ANO8: variants seen among roughly 807,000 people sequenced by gnomAD.
The protein encoded by ANO8 is anoctamin-8.
ANO8 carries 67 observed loss-of-function variants against 120.4 expected under a neutral mutation model. That is an observed-to-expected ratio of 0.56 (90% confidence interval 0.46 to 0.68). ANO8 has a LOEUF of 0.68. Ranked by LOEUF, ANO8 falls within the 30% of genes least tolerant of loss-of-function variation. ANO8 has a pLI of 0.00. For missense variants in ANO8, 1,526 were observed against 1,737.6 expected (o/e 0.88, Z 2.16); for synonymous variants, 727 against 759.2 (o/e 0.96, Z 0.70).
chr19:17,330,880 C>G lies in ANO8; in HGVS notation c.941G>C (p.Gly314Ala). The change falls in exon 8 of 18, where the codon GGG (glycine) becomes GCG (alanine). Residue 314 changes from glycine to alanine, a missense_variant. Transcript: ENST00000159087. Reference protein sequence around the residue: ...RRGAELAYKWGTLDSPGEAVE... With the variant: ...RRGAELAYKWATLDSPGEAVE... ...GGCTTCCCCAGGTGAGTCCAGCGTCCCCCACTTATATGCCAGCTCAGCCCC... is the reference window on the plus strand; with the variant it reads ...GGCTTCCCCAGGTGAGTCCAGCGTCGCCCACTTATATGCCAGCTCAGCCCC... 1 of 1,614,164 alleles carries G rather than the reference C, an allele frequency of 6.2e-7. No homozygotes were observed. The highest frequency in any genetic ancestry group is 8.5e-7 in the Non-Finnish European group (1 of 1,180,018).
Position 17,333,798 on chromosome 19 carries a change from T to A in ANO8, c.109A>T (p.Lys37Ter). ...PAAPASGVLD[K>*]LFGKRLLQAG... is the part of the protein sequence containing the mutation. Reference sequence around the variant, plus strand: ...TGCAGGAGCCGCTTTCCGAAAAGCTTATCTAGGGGGCGGCGTAGCAGGCCC... The same window carrying A: ...TGCAGGAGCCGCTTTCCGAAAAGCTAATCTAGGGGGCGGCGTAGCAGGCCC... The change falls in exon 2 of 18, where the codon AAG (lysine) becomes TAG (stop). Residue 37 changes from lysine to a stop codon, truncating the protein, a stop_gained and splice_region_variant. Coordinates refer to ENST00000159087, the MANE Select transcript of ANO8 (RefSeq NM_020959.3). LOFTEE classifies it high-confidence loss of function. This position sits in a 1 kb window ranked among gnomAD's most constrained non-coding sequence, Gnocchi z 7.2. 1 of 1,591,844 alleles carries A rather than the reference T, an allele frequency of 6.3e-7. No homozygotes were observed. The highest frequency in any genetic ancestry group is 8.5e-7 in the Non-Finnish European group (1 of 1,170,766).
chr19:17,328,108 G>A (rs2074285522), intron 13 of ANO8, 54 bp downstream of exon 13: 1 of 1,331,652 alleles, frequency 7.5e-7, no homozygotes, highest in Non-Finnish European at 1.0e-6. Flanking sequence ...CTCGGACGGT[G>A]TGTCCCGTCC....
At position 17,333,023 on chromosome 19, in the gene ANO8, G is replaced by A; in HGVS notation, c.493C>T (p.Arg165Cys). 1.2e-6 allele frequency: 2 copies of A among 1,614,072 alleles called. No homozygotes were observed. Among genetic ancestry groups the A allele is most frequent in the Non-Finnish European group, 1.7e-6 (2 of 1,180,038 alleles). ...AGCCAGAAGCGGATGATGCTCTGGC[G>A]TTCCTGCGAGGAAGAGGGCGTGAGC... ...SELRFFTSQE[R>C]QSIIRFWLQN... Residue 165 changes from arginine to cysteine, a missense_variant, in exon 5 of 18, where the codon CGC becomes TGC. This residue lies in a region of ANO8 where 322 missense variants were observed against 431.8 expected (regional missense o/e 0.75). Coordinates refer to ENST00000159087, the MANE Select transcript of ANO8 (RefSeq NM_020959.3). This position sits in a 1 kb window ranked among gnomAD's most constrained non-coding sequence, Gnocchi z 7.2.
rs2074333975 is a variant in ANO8, at chr19:17,333,348, T to C, written c.350+74A>G. ...TTGGGACAAACGCAGGGCGGCTGGA[T>C]AGCATGGTTGGCACTTGGTAGAGCG... On this transcript the variant is annotated intron_variant, in intron 3 of 17. Transcript: ENST00000159087. The surrounding 1 kb of genome is among the most constrained non-coding windows in gnomAD (Gnocchi z 7.2). The C allele has an allele frequency of 6.2e-7, 1 of 1,609,622 alleles. No individual in the cohort carries two copies. The highest frequency in any genetic ancestry group is 1.3e-5 in the African/African-American group (1 of 74,994).
rs2074351237 is a variant in ANO8, at chr19:17,334,788, C to A, written c.-118G>T. On this transcript the variant is annotated 5_prime_UTR_variant, in exon 1 of 18. Transcript: ENST00000159087. ...GGAGGAGACAAAGGCCGCGCCCGCCCGCGCCGGCCTCGGTCCTCGCTCGCC... is the reference window on the plus strand; with the variant it reads ...GGAGGAGACAAAGGCCGCGCCCGCCAGCGCCGGCCTCGGTCCTCGCTCGCC... The A allele has an allele frequency of 2.6e-6, 3 of 1,162,690 alleles. No homozygotes were observed. The highest frequency in any genetic ancestry group is 3.4e-6 in the Non-Finnish European group (3 of 876,972). 72.0% of individuals were successfully genotyped at this position (1,162,690 alleles called of 1,614,324 possible).
At chr19:17,324,298 G>T (rs1210821563) in intron 17 of ANO8, among the ~76,000 whole-genome samples, 1 of 152,054 alleles carries the variant, frequency 6.6e-6, no homozygotes, top group Admixed American at 6.5e-5. Context: ...GCCCCACCTC[G>T]AGGAAGGCCT....
chr19:17,330,855 G>A lies in ANO8; in HGVS notation c.966C>T (p.Ala322=), dbSNP rs148791031. The A allele has an allele frequency of 6.2e-6, 10 of 1,613,932 alleles. No individual in the cohort carries two copies. The highest frequency in any genetic ancestry group is 2.2e-5 in the South Asian group (2 of 91,084). The part of the protein sequence containing the change: ...KWGTLDSPGE[A]VEEPRPQFRG... ...TGAACTGGGGGCGTGGCTCCTCCACGGCTTCCCCAGGTGAGTCCAGCGTCC... is the reference window on the plus strand; with the variant it reads ...TGAACTGGGGGCGTGGCTCCTCCACAGCTTCCCCAGGTGAGTCCAGCGTCC... The change falls in exon 8 of 18, where the codon GCC becomes GCT. Residue 322 remains alanine, a synonymous_variant. Coordinates refer to ENST00000159087, the MANE Select transcript of ANO8 (RefSeq NM_020959.3).
intron 17 of ANO8, 96 bp downstream of exon 17, chr19:17,324,620 TC>T: frequency 6.7e-7 from 1 of 1,488,044 alleles, no homozygotes; most frequent in Non-Finnish European, 8.9e-7. Flanking sequence ...AGACCGGGCT[TC>T]CCCTGTCCCC....
Position 17,330,854 on chromosome 19 carries a change from C to T in ANO8, c.967G>A (p.Val323Met), listed in dbSNP as rs769279492. ...WGTLDSPGEA[V>M]EEPRPQFRGV... ...CTGAACTGGGGGCGTGGCTCCTCCA[C>T]GGCTTCCCCAGGTGAGTCCAGCGTC... Residue 323 changes from valine (V) to methionine (M), a missense_variant, in exon 8 of 18, where the codon GTG (valine) becomes ATG (methionine). Val to Met is a conservative substitution (Grantham distance 21). This residue lies in a region of ANO8 where 322 missense variants were observed against 431.8 expected (regional missense o/e 0.75). Transcript: ENST00000159087. 9.3e-6 allele frequency: 15 copies of T among 1,614,142 alleles called. No individual in the cohort carries two copies. The highest frequency in any genetic ancestry group is 8.9e-5 in the East Asian group (4 of 44,880).
Position 17,332,913 on chromosome 19 carries a change from G to A in ANO8, c.586+17C>T. 1 of 1,613,392 alleles carries A rather than the reference G, an allele frequency of 6.2e-7. No homozygotes were observed. Among genetic ancestry groups the A allele is most frequent in the Non-Finnish European group, 8.5e-7 (1 of 1,179,824 alleles). On this transcript the variant is annotated intron_variant, in intron 5 of 17. Transcript: ENST00000159087. ...CAACTCTCTGCCTGTGATTGGTGTT[G>A]ACCCCGCCCTGCTCACTGATTGGCT...
In ANO8 at chr19:17,330,866, G is replaced by A. The variant is rs761712003; in HGVS notation, c.955C>T (p.Pro319Ser). The A allele has an allele frequency of 1.6e-5, 26 of 1,614,022 alleles. No homozygotes were observed. The highest frequency in any genetic ancestry group is 1.6e-4 in the Middle Eastern group (1 of 6,082). Residue 319 changes from proline to serine, a missense_variant, in exon 8 of 18, where the codon CCT becomes TCT. By Grantham distance (74) the Pro-to-Ser change is moderately conservative (BLOSUM62 -1). Transcript: ENST00000159087. ...LAYKWGTLDS[P>S]GEAVEEPRPQ... ...CGTGGCTCCTCCACGGCTTCCCCAG[G>A]TGAGTCCAGCGTCCCCCACTTATAT...
At position 17,325,120 on chromosome 19, in the gene ANO8, C is replaced by A; in HGVS notation, c.2928G>T (p.Met976Ile). Residue 976 changes from methionine to isoleucine, a missense_variant, in exon 17 of 18, where the codon ATG becomes ATT. Coordinates refer to ENST00000159087, the MANE Select transcript of ANO8 (RefSeq NM_020959.3). ...GCAGTGGGATGATCTGCTTCAACTT[C>A]ATGACGTTGTTGGGTGCCAGCAGGG... ...PGSLLAPNNV[M>I]KLKQIIPLQG... 6.2e-7 allele frequency: 1 copy of A among 1,613,730 alleles called. No individual in the cohort carries two copies. The highest frequency in any genetic ancestry group is 1.1e-5 in the South Asian group (1 of 91,080).
rs751377763 is a variant in ANO8 at position 17,330,964 on chromosome 19, A to G, written c.857T>C (p.Val286Ala). ...DQTSRDVSCV[V>A]FALFNVIWST... is the part of the protein sequence containing the mutation. The stretch of plus-strand genomic sequence containing the variant: ...CCAGATCACGTTGAAGAGGGCAAAG[A>G]CCACGCAGGAAACATCCCGGCTTGT... Residue 286 changes from valine (V) to alanine (A), a missense_variant, in exon 8 of 18, where the codon GTC (valine) becomes GCC (alanine). Val to Ala is a moderately conservative substitution (Grantham distance 64). Transcript: ENST00000159087. 6.2e-7 allele frequency: 1 copy of G among 1,614,178 alleles called. No homozygotes were observed. Among genetic ancestry groups the G allele is most frequent in the Non-Finnish European group, 8.5e-7 (1 of 1,180,024 alleles).
rs2074254068 is a variant in ANO8, at chr19:17,323,745, G to T, written c.3471C>A (p.Cys1157Ter). 5.0e-6 allele frequency: 6 copies of T among 1,199,830 alleles called. No homozygotes were observed. The highest frequency in any genetic ancestry group is 6.2e-6 in the Non-Finnish European group (6 of 966,834). 74.3% of individuals were successfully genotyped at this position (1,199,830 alleles called of 1,614,324 possible). ...GGCGGGGGGCGGCACCCTCGCCCCC[G>T]CAGCCCCAGGGCCCGTCCCACTGCC... is the stretch of plus-strand genomic sequence containing the variant. ...GCWQWDGPWG[C>*]GGEGAAPRQA... The change falls in exon 18 of 18, where the codon TGC becomes TGA. Residue 1157 changes from cysteine (C) to a stop codon, truncating the protein, a stop_gained. Coordinates refer to ENST00000159087, the MANE Select transcript of ANO8 (RefSeq NM_020959.3). LOFTEE classifies it low-confidence loss of function (END_TRUNC).
intron 15 of ANO8, 39 bp downstream of exon 15, chr19:17,327,398 CT>C (rs2074279712): frequency 6.4e-7 from 1 of 1,564,302 alleles, no homozygotes; most frequent in Admixed American, 1.9e-5. Flanking sequence ...GGGCCGCCCT[CT>C]CGCCTCCCAG....
chr19:17,333,820 G>A lies in ANO8; in HGVS notation c.107-20C>T. The A allele has an allele frequency of 6.4e-7, 1 of 1,556,366 alleles. No homozygotes were observed. Among genetic ancestry groups the A allele is most frequent in the Non-Finnish European group, 8.7e-7 (1 of 1,149,128 alleles). ...GCTTATCTAGGGGGCGGCGTAGCAG[G>A]CCCGGGTCAGGCCACTCTGGGATCC... On this transcript the variant is annotated intron_variant, in intron 1 of 17. Coordinates refer to ENST00000159087, the MANE Select transcript of ANO8 (RefSeq NM_020959.3). The surrounding 1 kb of genome is among the most constrained non-coding windows in gnomAD (Gnocchi z 7.2).
In ANO8 at chr19:17,325,400, C is replaced by T. The variant is rs771721216; in HGVS notation, c.2662-14G>A. The stretch of plus-strand genomic sequence containing the variant: ...GCGCTCGTGTCTCTGCAGGTAGAGC[C>T]AAGCCGTTACAGGACTAAGAAGAAA... On this transcript the variant is annotated splice_polypyrimidine_tract_variant and intron_variant, in intron 16 of 17. Coordinates refer to ENST00000159087, the MANE Select transcript of ANO8 (RefSeq NM_020959.3). 1.9e-6 allele frequency: 3 copies of T among 1,552,916 alleles called. No homozygotes were observed. The highest frequency in any genetic ancestry group is 2.6e-6 in the Non-Finnish European group (3 of 1,157,114).
At chr19:17,330,742 A>T (rs1158626276) in intron 8 of ANO8, 86 bp downstream of exon 8, 29 of 1,513,364 alleles carry the variant, frequency 1.9e-5, no homozygotes, top group Non-Finnish European at 2.5e-5. Flanking sequence ...ATCCTGTTTC[A>T]CACCTCTCTG....
At chr19:17,330,041 G>A in intron 10 of ANO8, 27 bp from the exon 11 acceptor site, 1 of 1,613,898 alleles carries the variant, frequency 6.2e-7, no homozygotes, top group South Asian at 1.1e-5. Context: ...GGAGTGAGGG[G>A]GCAGCCGCGG....
Sources: gnomAD v4.1 joint callset for allele counts (sites outside exome capture counted in the v4.1 genomes callset) on GRCh38, gnomAD v4.1.1 for gene constraint, gnomAD v4.1.1 regional missense constraint, Gnocchi (gnomAD v3.1) non-coding constraint, MANE v1.5 for transcripts, NCBI Gene and HGNC (gene_info 2026-07-23, HGNC 2026-07-21) for gene names.